Variants in RGS9 observed in about 807,000 individuals in gnomAD.
RGS9 encodes the protein regulator of G protein signaling 9.
A neutral mutation model predicts 102.0 loss-of-function variants in RGS9; 78 were observed. The ratio of observed to expected loss-of-function variants is 0.76; its 90% confidence interval spans 0.64 to 0.92. The LOEUF (loss-of-function observed/expected upper bound fraction) is 0.92, where lower values mean the gene tolerates loss of function less well. RGS9 is among the 40% of genes least tolerant of loss of function. The pLI is 0.00. For synonymous variants in RGS9, 353 were observed against 318.6 expected, an observed-to-expected ratio of 1.11 and a Z score of -1.15; for missense variants, 833 against 866.1, an observed-to-expected ratio of 0.96 and a Z score of 0.48.
At chr17:65,190,534 G>T (rs1199602167) in intron 11 of RGS9, among the ~76,000 whole-genome samples, 1 of 152,204 alleles carries the variant, frequency 6.6e-6, no homozygotes, top group Admixed American at 6.5e-5. Flanking sequence ...TCCGTGGACT[G>T]TAGACCCTGT....
intron 17 of RGS9, among the ~76,000 whole-genome samples, chr17:65,216,794 A>T (rs917750511): frequency 6.6e-6 from 1 of 152,212 alleles, no homozygotes; most frequent in African/African-American, 2.4e-5. Context: ...GTCTTATTTC[A>T]TCGAGTTTGC....
intron 12 of RGS9, among the ~76,000 whole-genome samples, chr17:65,195,727 A>G (rs943373784): frequency 6.6e-6 from 1 of 152,106 alleles, no homozygotes; most frequent in Admixed American, 6.5e-5. Flanking sequence ...AAAAACATCA[A>G]CGTTCAGGCC....
At chr17:65,191,432 C>T (rs746577535) in intron 11 of RGS9, among the ~76,000 whole-genome samples, 8 of 151,816 alleles carry the variant, frequency 5.3e-5, no homozygotes, top group Admixed American at 1.3e-4. Flanking sequence ...TGTCTGGGCC[C>T]GTCGAGGTGC....
chr17:65,142,243 CA>C (rs918540897), intron 1 of RGS9, among the ~76,000 whole-genome samples: 1 of 151,466 alleles, frequency 6.6e-6, no homozygotes, highest in African/African-American at 2.4e-5. Context: ...GACTCAGTCT[CA>C]AAAAAAACCC....
chr17:65,196,040 G>A (rs961293092), intron 12 of RGS9, among the ~76,000 whole-genome samples: 5 of 152,210 alleles, frequency 3.3e-5, no homozygotes, highest in South Asian at 2.1e-4. Context: ...AACCACTGTC[G>A]TCATCACAAC....
chr17:65,159,646 C>T (rs12603232), intron 3 of RGS9, among the ~76,000 whole-genome samples: 15,202 of 152,010 alleles, frequency 0.1, 1,731 homozygotes, highest in East Asian at 0.51. Flanking sequence ...GGAGAAAGAA[C>T]CAAGGAAGTT....
At chr17:65,155,779 T>G (rs80340736) in intron 2 of RGS9, among the ~76,000 whole-genome samples, 4,535 of 152,264 alleles carry the variant, frequency 0.03, 238 homozygotes, top group African/African-American at 0.1. Flanking sequence ...GTGAGAGAGT[T>G]CTGTGCAGGT....
chr17:65,201,905 C>T (rs752950479), intron 13 of RGS9, 88 bp from the exon 14 acceptor site: 21 of 888,622 alleles, frequency 2.4e-5, no homozygotes, highest in Admixed American at 5.3e-5. Flanking sequence ...GAATCCATCC[C>T]GGTTGACTCA....
Position 65,153,419 on chromosome 17 carries a change from C to A in RGS9, c.58-3C>A, listed in dbSNP as rs769445811. On this transcript the variant is annotated splice_region_variant and splice_polypyrimidine_tract_variant and intron_variant, in intron 1 of 18. Coordinates refer to ENST00000262406, the MANE Select transcript of RGS9 (RefSeq NM_003835.4). ...GTCGGCTTTTTCCTGTTCTGTCTTG[C>A]AGATTGAAGCGCTCGTGAAGGACAT... is the stretch of plus-strand genomic sequence containing the variant. 17 of 1,612,974 alleles carry A rather than the reference C, an allele frequency of 1.1e-5. No homozygotes were observed. Among genetic ancestry groups the A allele is most frequent in the Non-Finnish European group, 5.1e-6 (6 of 1,179,040 alleles).
intron 9 of RGS9, among the ~76,000 whole-genome samples, chr17:65,183,589 A>T (rs1457303903): frequency 2.6e-5 from 4 of 152,036 alleles, no homozygotes; most frequent in Non-Finnish European, 5.9e-5. Flanking sequence ...GAACCACTGC[A>T]CCCGGCTCCA....
Position 65,180,919 on chromosome 17 carries a change from C to T in RGS9, c.654+3116C>T, listed in dbSNP as rs139725932. ...TGTGGTATTTGGTTTTCTGTTCCTG[C>T]GTTAGTTCGCTTAAGACAATGATCT... On this transcript the variant is annotated intron_variant, in intron 9 of 18. Transcript: ENST00000262406. Among the ~76,000 whole-genome samples, 697 of 152,246 alleles carry T rather than the reference C, an allele frequency of 4.6e-3. 6 individuals carry two copies. The highest frequency in any genetic ancestry group is 0.016 in the African/African-American group (676 of 41,534).
chr17:65,188,560 G>T (rs1418277481), intron 9 of RGS9: 1 of 152,308 alleles, frequency 6.6e-6, no homozygotes, highest in Admixed American at 6.5e-5. Flanking sequence ...TGTAACAAAA[G>T]AAACCAACAC....
intron 17 of RGS9, among the ~76,000 whole-genome samples, chr17:65,212,922 C>T (rs1407289849): frequency 6.6e-6 from 1 of 152,148 alleles, no homozygotes; most frequent in Non-Finnish European, 1.5e-5. Context: ...ATTCCTGACA[C>T]CCAGGGGGTT....
At chr17:65,209,911 C>G (rs1913223846) in intron 16 of RGS9, among the ~76,000 whole-genome samples, 1 of 152,138 alleles carries the variant, frequency 6.6e-6, no homozygotes, top group South Asian at 2.1e-4. Context: ...AAGCCTGCCT[C>G]TACTAAAAAT....
intron 16 of RGS9, among the ~76,000 whole-genome samples, chr17:65,210,281 G>C (rs932955492): frequency 5.3e-5 from 8 of 152,168 alleles, no homozygotes; most frequent in Non-Finnish European, 8.8e-5. Context: ...CCTAAAATCT[G>C]ATGGCAGTTG....
intron 17 of RGS9, among the ~76,000 whole-genome samples, chr17:65,224,090 C>A (rs73994766): frequency 0.061 from 9,245 of 152,244 alleles, 928 homozygotes; most frequent in African/African-American, 0.21. Flanking sequence ...TGGGCCACAG[C>A]AGGCCTTTAG....
At chr17:65,183,063 T>TCTACCTAC (rs201193030) in intron 9 of RGS9, among the ~76,000 whole-genome samples, 836 of 77,506 alleles carry the variant, frequency 0.011, 9 homozygotes, top group African/African-American at 0.022. Flanking sequence ...TTTTTTTAAA[T>TCTACCTAC]CTATCTATCT....
intron 6 of RGS9, among the ~76,000 whole-genome samples, chr17:65,161,180 T>A (rs1567865696): frequency 6.6e-6 from 1 of 152,230 alleles, no homozygotes; most frequent in Non-Finnish European, 1.5e-5. Flanking sequence ...CCTTTTGCCA[T>A]CCCAAAACAA....
intron 1 of RGS9, among the ~76,000 whole-genome samples, chr17:65,148,680 C>A (rs1052544111): frequency 6.6e-5 from 10 of 152,078 alleles, no homozygotes; most frequent in African/African-American, 1.9e-4. Flanking sequence ...TTTTTGGGAT[C>A]ATCTCAGCCA....
Sources: allele counts gnomAD v4.1 joint callset (sites outside exome capture counted in the v4.1 genomes callset), GRCh38; gene constraint gnomAD v4.1.1; transcripts MANE v1.5; gene names NCBI Gene and HGNC (gene_info 2026-07-23, HGNC 2026-07-21).